ASAP3: variants seen among roughly 807,000 people sequenced by gnomAD.
ASAP3 encodes arf-GAP with SH3 domain, ANK repeat and PH domain-containing protein 3.
Under a neutral mutation model 118.2 loss-of-function variants are expected in ASAP3, and 85 were observed. The observed-to-expected ratio is 0.72, with a 90% CI of 0.60 to 0.86. The LOEUF (loss-of-function observed/expected upper bound fraction) is 0.86. Among genes scored for constraint, ASAP3 ranks in the 40% least tolerant of loss-of-function variants. The pLI is 0.00. For synonymous variants in ASAP3, 432 were observed against 477.4 expected (o/e 0.90, Z 1.24); for missense variants, 1,026 against 1,175.0 (o/e 0.87, Z 1.85).
intron 1 of ASAP3, among the ~76,000 whole-genome samples, chr1:23,470,515 G>A (rs1641926043): frequency 6.6e-6 from 1 of 152,226 alleles, no homozygotes; most frequent in South Asian, 2.1e-4. Flanking sequence ...CCCCAGCCCT[G>A]CCCCTGTCTC....
At chr1:23,474,133 A>G (rs1313795013) in intron 1 of ASAP3, among the ~76,000 whole-genome samples, 1 of 151,550 alleles carries the variant, frequency 6.6e-6, no homozygotes, top group Non-Finnish European at 1.5e-5. Context: ...ATGGCTGGCT[A>G]ATTTTTGTAT....
In ASAP3 at chr1:23,437,049, A is replaced by G. The variant is rs1640692569; in HGVS notation, c.1343-5T>C. The stretch of plus-strand genomic sequence containing the variant: ...TGGTGCTGAGCCACGTGGGGTCTGC[A>G]GAGGAAAGCAGCTGGAGCCTGGAGG... On this transcript the variant is annotated splice_region_variant and splice_polypyrimidine_tract_variant and intron_variant, in intron 14 of 24. Transcript: ENST00000336689. The surrounding 1 kb of genome is among the most constrained non-coding windows in gnomAD (Gnocchi z 6.1). The G allele has an allele frequency of 1.2e-6, 2 of 1,609,196 alleles. No homozygotes were observed. Among genetic ancestry groups the G allele is most frequent in the Non-Finnish European group, 1.7e-6 (2 of 1,178,236 alleles).
chr1:23,471,158 T>C (rs1158518088), intron 1 of ASAP3, among the ~76,000 whole-genome samples: 1 of 152,224 alleles, frequency 6.6e-6, no homozygotes, highest in Non-Finnish European at 1.5e-5. Flanking sequence ...TATTGAACTC[T>C]TGGCAATTTC....
chr1:23,430,311 A>G (rs10917381), intron 24 of ASAP3, among the ~76,000 whole-genome samples: 5,604 of 152,254 alleles, frequency 0.037, 137 homozygotes, highest in Middle Eastern at 0.12. Flanking sequence ...AACACAACCA[A>G]TGCCATTCTG....
chr1:23,462,281 C>G (rs1050672009), intron 1 of ASAP3, among the ~76,000 whole-genome samples: 3 of 151,638 alleles, frequency 2.0e-5, no homozygotes, highest in African/African-American at 7.3e-5. Flanking sequence ...GCCTCGGCCT[C>G]CCAAAGTGCT....
chr1:23,435,222 T>C (rs1175374389), intron 17 of ASAP3, among the ~76,000 whole-genome samples: 1 of 151,654 alleles, frequency 6.6e-6, no homozygotes, highest in African/African-American at 2.4e-5. Context: ...GAGATGGGGG[T>C]TTCCTTATTT....
chr1:23,436,858 A>T lies in ASAP3; in HGVS notation c.1476+53T>A, dbSNP rs1460486138. On this transcript the variant is annotated intron_variant, in intron 15 of 24. Coordinates refer to ENST00000336689, the MANE Select transcript of ASAP3 (RefSeq NM_017707.4). The surrounding 1 kb of genome is among the most constrained non-coding windows in gnomAD (Gnocchi z 4.2). ...CCTGCAAGCCCCGCCCCCGGATGAA[A>T]CTACACCCCTAACTCCGCTTCTGGC... 1.9e-6 allele frequency: 3 copies of T among 1,587,280 alleles called. No homozygotes were observed. In the African/African-American group the frequency reaches 4.1e-5, roughly 21 times the overall value.
chr1:23,455,613 C>T (rs375427164), intron 3 of ASAP3, among the ~76,000 whole-genome samples: 117 of 152,280 alleles, frequency 7.7e-4, no homozygotes, highest in Middle Eastern at 3.4e-3. Flanking sequence ...CTCCCTTGCA[C>T]GGGGCTCTTC....
rs1640760676 is a variant in ASAP3, at chr1:23,438,712, G to C, written c.1102+35C>G. On this transcript the variant is annotated intron_variant, in intron 12 of 24. Transcript: ENST00000336689. The surrounding 1 kb of genome is among the most constrained non-coding windows in gnomAD (Gnocchi z 4.9). The stretch of plus-strand genomic sequence containing the variant: ...AGGTGTCTTAGAGAAGCCCTGAGCA[G>C]CTGTGGGTGGGGGAGAGGCACAGGG... 1 of 1,599,782 alleles carries C rather than the reference G, an allele frequency of 6.3e-7. No homozygotes were observed. Among genetic ancestry groups the C allele is most frequent in the Non-Finnish European group, 8.6e-7 (1 of 1,167,264 alleles).
At chr1:23,483,653 G>C (rs1353316289) in intron 1 of ASAP3, among the ~76,000 whole-genome samples, 1 of 152,178 alleles carries the variant, frequency 6.6e-6, no homozygotes, top group East Asian at 1.9e-4. Flanking sequence ...GAGTGACTCG[G>C]GGGGCACACT....
chr1:23,481,360 C>G (rs1642301147), intron 1 of ASAP3, among the ~76,000 whole-genome samples: 1 of 152,188 alleles, frequency 6.6e-6, no homozygotes, highest in Non-Finnish European at 1.5e-5. Context: ...TCAAATAGAG[C>G]TACAAGCCTG....
At chr1:23,457,767 C>G (rs767424082) in intron 1 of ASAP3, among the ~76,000 whole-genome samples, 2 of 152,208 alleles carry the variant, frequency 1.3e-5, no homozygotes, top group Admixed American at 6.5e-5. Flanking sequence ...CCCGCTTCGG[C>G]CTCCCAAGGT....
chr1:23,460,197 C>G (rs1002825901), intron 1 of ASAP3, among the ~76,000 whole-genome samples: 1 of 152,054 alleles, frequency 6.6e-6, no homozygotes, highest in African/African-American at 2.4e-5. Flanking sequence ...ATCCAAAACA[C>G]TGACAACACC....
chr1:23,435,539 C>T (rs1221595128), intron 17 of ASAP3, among the ~76,000 whole-genome samples: 1 of 152,206 alleles, frequency 6.6e-6, no homozygotes, highest in Non-Finnish European at 1.5e-5. Flanking sequence ...GCCCATTGTA[C>T]ACTAAGCCCT....
Position 23,436,263 on chromosome 1 carries a change from A to C in ASAP3, c.1572-235T>G, listed in dbSNP as rs1640650075. On this transcript the variant is annotated intron_variant, in intron 16 of 24. Coordinates refer to ENST00000336689, the MANE Select transcript of ASAP3 (RefSeq NM_017707.4). This position sits in a 1 kb window ranked among gnomAD's most constrained non-coding sequence, Gnocchi z 4.2. ...CTACAACCTCTGCTTCCAGGGTTCAAGCAATTCTAGTGCCTCAACCTCCTG... is the reference window on the plus strand; with the variant it reads ...CTACAACCTCTGCTTCCAGGGTTCACGCAATTCTAGTGCCTCAACCTCCTG... Among the ~76,000 whole-genome samples, 1 of 152,174 alleles carries C rather than the reference A, an allele frequency of 6.6e-6. No homozygotes were observed. The highest frequency in any genetic ancestry group is 2.1e-4 in the South Asian group (1 of 4,834).
intron 1 of ASAP3, among the ~76,000 whole-genome samples, chr1:23,472,627 C>T (rs1173754563): frequency 6.6e-6 from 1 of 152,172 alleles, no homozygotes; most frequent in African/African-American, 2.4e-5. Context: ...GTGCCAGGAC[C>T]GCACAGATAA....
At chr1:23,450,908 G>A (rs1641193317) in intron 5 of ASAP3, among the ~76,000 whole-genome samples, 1 of 152,184 alleles carries the variant, frequency 6.6e-6, no homozygotes, top group East Asian at 1.9e-4. Context: ...GGTTGACTGA[G>A]GCTCCTTCTT....
intron 3 of ASAP3, among the ~76,000 whole-genome samples, chr1:23,455,408 C>T (rs527936099): frequency 1.3e-5 from 2 of 152,248 alleles, no homozygotes; most frequent in South Asian, 4.1e-4. Flanking sequence ...GGGGCTGAGA[C>T]GCTTGTGGAG....
At chr1:23,433,777 A>G in intron 19 of ASAP3, 84 bp from the exon 20 acceptor site, 13 of 1,566,734 alleles carry the variant, frequency 8.3e-6, no homozygotes, top group Non-Finnish European at 1.1e-5. Flanking sequence ...CTGGAATCAG[A>G]ATGTATGGGT....
Sources: gnomAD v4.1 joint callset for allele counts (sites outside exome capture counted in the v4.1 genomes callset) on GRCh38, gnomAD v4.1.1 for gene constraint, Gnocchi (gnomAD v3.1) non-coding constraint, MANE v1.5 for transcripts, NCBI Gene and HGNC (gene_info 2026-07-23, HGNC 2026-07-21) for gene names.